The following TACC1 variants were observed in gnomAD, a reference collection of about 807,000 sequenced individuals.
TACC1 encodes the protein transforming acidic coiled-coil-containing protein 1.
Under a neutral mutation model 84.4 loss-of-function variants are expected in TACC1, and 48 were observed. That is an observed-to-expected ratio of 0.57 (90% CI 0.45 to 0.72). The LOEUF (loss-of-function observed/expected upper bound fraction) is 0.72. Ranked by LOEUF, TACC1 falls within the 30% of genes least tolerant of loss-of-function variation. The probability of loss-of-function intolerance (pLI) is 0.00; values close to 1 mark genes in which losing one functional copy is unlikely to be tolerated. For missense variants in TACC1, 920 were observed against 973.0 expected (o/e 0.95, Z 0.72); for synonymous variants, 372 against 376.3 (o/e 0.99, Z 0.13).
chr8:38,778,300 G>GTA (rs1467239450), intron 3 of TACC1, among the ~76,000 whole-genome samples: 3 of 137,232 alleles, frequency 2.2e-5, no homozygotes, highest in African/African-American at 8.0e-5. Context: ...GTGTGTGTAT[G>GTA]TGTGTGTTTA....
At position 38,820,235 on chromosome 8, in the gene TACC1, A is replaced by G; in HGVS notation, c.991A>G (p.Ile331Val). The change falls in exon 3 of 13, where the codon ATA becomes GTA. Residue 331 changes from isoleucine (I) to valine (V), a missense_variant. Physicochemically the swap from Ile to Val is conservative, Grantham distance 29. Around this residue, in one of 2 missense-constraint regions of TACC1, gnomAD observed 762 missense variants for 747.3 expected, o/e 1.02. Transcript: ENST00000317827. ...EFDFTEDTGN[I>V]EARKALPRKL... ...TGATTTCACAGAAGATACAGGAAACATAGAGGCCAGGAAAGCCCTTCCAAG... is the reference window on the plus strand; with the variant it reads ...TGATTTCACAGAAGATACAGGAAACGTAGAGGCCAGGAAAGCCCTTCCAAG... 13 of 1,614,160 alleles carry G rather than the reference A, an allele frequency of 8.1e-6. No individual in the cohort carries two copies. The highest frequency in any genetic ancestry group is 4.0e-5 in the African/African-American group (3 of 75,052).
At chr8:38,798,998 A>G (rs1364850004) in intron 2 of TACC1, among the ~76,000 whole-genome samples, 1 of 152,176 alleles carries the variant, frequency 6.6e-6, no homozygotes, top group Non-Finnish European at 1.5e-5. Flanking sequence ...AACTGGGGGA[A>G]AAAAACACTC....
intron 3 of TACC1, among the ~76,000 whole-genome samples, chr8:38,766,793 C>T (rs1419118695): frequency 6.6e-6 from 1 of 152,158 alleles, no homozygotes; most frequent in Non-Finnish European, 1.5e-5. Flanking sequence ...ACTAAGGCCA[C>T]AGAGCTAGGT....
At chr8:38,827,579 G>A (rs1563851279) in intron 5 of TACC1, 2 of 598,322 alleles carry the variant, frequency 3.3e-6, no homozygotes, top group Non-Finnish European at 5.9e-6. Flanking sequence ...AGATACTTGT[G>A]ACAAGTTGTA....
intron 2 of TACC1, among the ~76,000 whole-genome samples, chr8:38,810,979 G>A (rs1563684838): frequency 6.6e-6 from 1 of 152,078 alleles, no homozygotes; most frequent in Non-Finnish European, 1.5e-5. Flanking sequence ...AACTAGCTGG[G>A]TGTGGTGGTG....
At chr8:38,749,027 A>T (rs1468376467) in intron 3 of TACC1, among the ~76,000 whole-genome samples, 1 of 152,166 alleles carries the variant, frequency 6.6e-6, no homozygotes, top group Non-Finnish European at 1.5e-5. Context: ...AAAAACTAAT[A>T]AAATTGATAA....
At chr8:38,786,828 AT>A (rs71216687), upstream of TACC1, among the ~76,000 whole-genome samples, 23,986 of 147,678 alleles carry the variant, frequency 0.16, 1,937 homozygotes, top group South Asian at 0.29. Flanking sequence ...GAAGGTTTGT[AT>A]TTTTTTTTTT....
chr8:38,836,706 C>G (rs550047227), intron 7 of TACC1, among the ~76,000 whole-genome samples: 1 of 152,188 alleles, frequency 6.6e-6, no homozygotes, highest in Non-Finnish European at 1.5e-5. Flanking sequence ...GTTCAACTCT[C>G]CGATTCCTGT....
At chr8:38,843,523 C>T in intron 11 of TACC1, 128 bp downstream of exon 11, 1 of 572,090 alleles carries the variant, frequency 1.7e-6, no homozygotes, top group South Asian at 3.8e-5. Context: ...ACTTTTTAAA[C>T]CCTTTTCCCA....
intron 3 of TACC1, among the ~76,000 whole-genome samples, chr8:38,778,195 C>G (rs781439002): frequency 5.3e-5 from 8 of 152,002 alleles, no homozygotes; most frequent in Non-Finnish European, 8.8e-5. Flanking sequence ...ATCCTCCTGC[C>G]TTCGTCTCCC....
In TACC1 at chr8:38,820,617, C is replaced by G; in HGVS notation, c.1373C>G (p.Ala458Gly). The G allele has an allele frequency of 6.2e-7, 1 of 1,607,676 alleles. No individual in the cohort carries two copies. The highest frequency in any genetic ancestry group is 2.2e-5 in the East Asian group (1 of 44,870). ...VNEILESPKK[A>G]KSRLITSGCK... is the part of the protein sequence containing the mutation. ...GAAATCTTAGAATCACCCAAGAAGG[C>G]AAAGTCGCGTTTAATAACGTGAGTG... Residue 458 changes from alanine (A) to glycine (G), a missense_variant, in exon 3 of 13, where the codon GCA becomes GGA. By Grantham distance (60) the Ala-to-Gly change is moderately conservative. Around this residue, in one of 2 missense-constraint regions of TACC1, gnomAD observed 762 missense variants for 747.3 expected, o/e 1.02. Coordinates refer to ENST00000317827, the MANE Select transcript of TACC1 (RefSeq NM_006283.3).
intron 3 of TACC1, among the ~76,000 whole-genome samples, chr8:38,755,084 C>T (rs1179640119): frequency 2.0e-5 from 3 of 147,070 alleles, no homozygotes; most frequent in African/African-American, 7.6e-5. Context: ...CATTTGAACC[C>T]GGGAGGCAGA....
Position 38,809,289 on chromosome 8 carries a change from C to G in TACC1, c.278-10233C>G, listed in dbSNP as rs770583759. ...GGGGGTGAAGCCATCTCATACAGTA[C>G]TACCCTTCCTAGGTGTAGAGTGAGG... On this transcript the variant is annotated intron_variant, in intron 2 of 12. Transcript: ENST00000317827. Among the ~76,000 whole-genome samples the G allele has an allele frequency of 6.6e-5, 10 of 152,168 alleles. 1 individual carries two copies. Among genetic ancestry groups the G allele is most frequent in the Non-Finnish European group, 1.5e-4 (10 of 68,018 alleles).
intron 3 of TACC1, chr8:38,757,154 A>T: frequency 1.3e-6 from 1 of 758,570 alleles, no homozygotes; most frequent in Non-Finnish European, 1.7e-6. Context: ...AGTTGGCGGC[A>T]TCTGAAGCCA....
intron 3 of TACC1, among the ~76,000 whole-genome samples, chr8:38,747,178 C>T (rs1380248111): frequency 6.6e-6 from 1 of 152,110 alleles, no homozygotes; most frequent in Non-Finnish European, 1.5e-5. Flanking sequence ...ACTAGAATAG[C>T]CAAAATTCAA....
At chr8:38,745,265 GCT>G (rs1807847758) in exon 3 of TACC1, 1 of 484,380 alleles carries the variant, frequency 2.1e-6, no homozygotes, top group Admixed American at 3.9e-5. Flanking sequence ...CAGAAACAGA[GCT>G]CGCAGTTCAG....
In TACC1 at chr8:38,840,332, G is replaced by T. The variant is rs765987062; in HGVS notation, c.1960+65G>T. 1.3e-5 allele frequency: 19 copies of T among 1,441,410 alleles called. No individual in the cohort carries two copies. The South Asian group carries it at 2.2e-4, about 17-fold the overall frequency. 89.3% of individuals were successfully genotyped at this position (1,441,410 alleles called of 1,614,324 possible). Reference sequence around the variant, plus strand: ...GGATCTGTCTTAGTCTGTTCAGCCTGGTATAACAAAATATGTAAGCTAGGT... The same window carrying T: ...GGATCTGTCTTAGTCTGTTCAGCCTTGTATAACAAAATATGTAAGCTAGGT... On this transcript the variant is annotated intron_variant, in intron 9 of 12. Transcript: ENST00000317827.
chr8:38,744,015 T>C (rs960115971), intron 2 of TACC1: 1 of 152,286 alleles, frequency 6.6e-6, no homozygotes, highest in African/African-American at 2.4e-5. Context: ...TTATGGCTGC[T>C]TGACGACTGG....
intron 2 of TACC1, among the ~76,000 whole-genome samples, chr8:38,810,167 A>G (rs964608785): frequency 6.6e-6 from 1 of 151,998 alleles, no homozygotes; most frequent in African/African-American, 2.4e-5. Context: ...TCCAGATATC[A>G]TGTCATGATA....
Sources: allele counts gnomAD v4.1 joint callset (sites outside exome capture counted in the v4.1 genomes callset), GRCh38; gene constraint gnomAD v4.1.1; regional missense constraint gnomAD v4.1.1; transcripts MANE v1.5; gene names NCBI Gene and HGNC (gene_info 2026-07-23, HGNC 2026-07-21).